N4BP2: variants seen among roughly 807,000 people sequenced by gnomAD.
N4BP2 encodes the protein NEDD4 binding protein 2, also known as NEDD4-binding protein 2.
In N4BP2, 91 loss-of-function variants were observed where a neutral mutation model predicts 152.8. The ratio of observed to expected loss-of-function variants is 0.60; its 90% confidence interval spans 0.50 to 0.71. The LOEUF (loss-of-function observed/expected upper bound fraction) is 0.71. Among genes scored for constraint, N4BP2 ranks in the 30% least tolerant of loss-of-function variants. N4BP2 has a pLI of 0.00. For missense variants in N4BP2, 1,923 were observed against 2,059.1 expected (o/e 0.93, Z 1.28); for synonymous variants, 646 against 705.3 (o/e 0.92, Z 1.33).
chr4:40,163,253 A>G, the N4BP2 span, among the ~76,000 whole-genome samples: 19 of 152,240 alleles, frequency 1.2e-4, no homozygotes, highest in Admixed American at 6.5e-4. Flanking sequence ...AAATGTACCT[A>G]GTATAATCAT....
At chr4:40,079,962 A>T (rs1578971838) in intron 2 of N4BP2, among the ~76,000 whole-genome samples, 1 of 152,220 alleles carries the variant, frequency 6.6e-6, no homozygotes, top group Middle Eastern at 3.4e-3. Flanking sequence ...TGGTATTGTT[A>T]ATAATTATTT....
At chr4:40,178,746 G>A in the N4BP2 span, among the ~76,000 whole-genome samples, 2 of 152,200 alleles carry the variant, frequency 1.3e-5, no homozygotes, top group Admixed American at 1.3e-4. Context: ...AAATGTGTAG[G>A]GAACGAACTT....
At chr4:40,118,868 A>T (rs1717596486) in intron 8 of N4BP2, among the ~76,000 whole-genome samples, 1 of 152,244 alleles carries the variant, frequency 6.6e-6, no homozygotes, top group Admixed American at 6.5e-5. Flanking sequence ...GAATAAATAA[A>T]AACAGCATTA....
chr4:40,115,369 C>T (rs559986224), intron 7 of N4BP2, among the ~76,000 whole-genome samples: 5 of 152,064 alleles, frequency 3.3e-5, no homozygotes, highest in Admixed American at 2.6e-4. Flanking sequence ...TGGTGGCGTT[C>T]GCCTGTGGTC....
intron 13 of N4BP2, among the ~76,000 whole-genome samples, chr4:40,136,223 G>A (rs1276023975): frequency 2.0e-5 from 3 of 152,162 alleles, no homozygotes; most frequent in African/African-American, 7.2e-5. Context: ...TCTATTGTCT[G>A]TGTTTGATGT....
intron 17 of N4BP2, among the ~76,000 whole-genome samples, chr4:40,153,160 A>G (rs1721291486): frequency 6.6e-6 from 1 of 152,256 alleles, no homozygotes; most frequent in Admixed American, 6.5e-5. Context: ...TAAACCAGAA[A>G]TAAGGAAAAA....
intron 14 of N4BP2, among the ~76,000 whole-genome samples, chr4:40,141,248 G>C (rs1403254864): frequency 6.6e-6 from 1 of 151,500 alleles, no homozygotes; most frequent in South Asian, 2.1e-4. Context: ...CCTGGACGGG[G>C]CGGCTGGCCT....
At chr4:40,159,509 T>A (rs1408069099), downstream of N4BP2, among the ~76,000 whole-genome samples, 6 of 152,142 alleles carry the variant, frequency 3.9e-5, no homozygotes, top group Non-Finnish European at 8.8e-5. Flanking sequence ...TGGCTACATC[T>A]CTAACTGTCA....
At chr4:40,187,227 T>A in the N4BP2 span, among the ~76,000 whole-genome samples, 1 of 152,150 alleles carries the variant, frequency 6.6e-6, no homozygotes, top group Non-Finnish European at 1.5e-5. Context: ...TTAAGGAGTG[T>A]GCTGTGTTCT....
intron 1 of N4BP2, among the ~76,000 whole-genome samples, chr4:40,064,606 A>G (rs555661010): frequency 7.9e-5 from 12 of 152,244 alleles, no homozygotes; most frequent in Admixed American, 2.6e-4. Context: ...TGTTTGCTAA[A>G]TAAAACACTT....
intron 2 of N4BP2, among the ~76,000 whole-genome samples, chr4:40,093,468 T>A (rs1251213091): frequency 6.6e-6 from 1 of 150,962 alleles, no homozygotes; most frequent in African/African-American, 2.4e-5. Flanking sequence ...GTGCAGTGGC[T>A]CGATCTTAGC....
intron 2 of N4BP2, among the ~76,000 whole-genome samples, chr4:40,077,333 A>C (rs1293270061): frequency 6.6e-6 from 1 of 151,524 alleles, no homozygotes; most frequent in African/African-American, 2.4e-5. Context: ...TTTTTAGTGG[A>C]GACAGGGTTT....
At chr4:40,130,612 C>G (rs1269204102) in intron 12 of N4BP2, among the ~76,000 whole-genome samples, 1 of 152,112 alleles carries the variant, frequency 6.6e-6, no homozygotes, top group Non-Finnish European at 1.5e-5. Context: ...ACCTCCTGGG[C>G]TCAAGCCATC....
the N4BP2 span, among the ~76,000 whole-genome samples, chr4:40,173,236 G>A: frequency 5.9e-5 from 9 of 152,112 alleles, no homozygotes; most frequent in Non-Finnish European, 1.3e-4. Context: ...CAGATCCTGG[G>A]TATGGACAAA....
chr4:40,148,933 A>G (rs1037256170), intron 16 of N4BP2, among the ~76,000 whole-genome samples: 6 of 152,224 alleles, frequency 3.9e-5, no homozygotes, highest in African/African-American at 1.2e-4. Context: ...TCTAAGAAAA[A>G]AAAAATTGAA....
chr4:40,155,990 A>G lies in N4BP2; in HGVS notation c.*1753A>G, dbSNP rs181344009. The G allele has an allele frequency of 1.4e-3, 215 of 152,334 alleles. 3 individuals are homozygous for G. Among genetic ancestry groups the G allele is most frequent in the Admixed American group, 0.011 (165 of 15,304 alleles). The allele number at this position is 152,334 out of a possible 1,614,324, so 9.4% of individuals were successfully genotyped here. On this transcript the variant is annotated 3_prime_UTR_variant, in exon 18 of 18. Coordinates refer to ENST00000261435, the MANE Select transcript of N4BP2 (RefSeq NM_018177.6). ...GTAATAATTTATTTAAAGAATGCCAACAGTTTAGCACACTTTTGTAATCTC... is the reference window on the plus strand; with the variant it reads ...GTAATAATTTATTTAAAGAATGCCAGCAGTTTAGCACACTTTTGTAATCTC...
intron 2 of N4BP2, among the ~76,000 whole-genome samples, chr4:40,093,608 ATTAT>A (rs899462401): frequency 4.7e-5 from 7 of 149,412 alleles, no homozygotes; most frequent in East Asian, 2.0e-4. Flanking sequence ...ATTTATTATT[ATTAT>A]TTATTTATTT....
chr4:40,131,496 G>A (rs904779936), intron 12 of N4BP2, among the ~76,000 whole-genome samples: 5 of 151,780 alleles, frequency 3.3e-5, no homozygotes, highest in African/African-American at 1.2e-4. Flanking sequence ...TCAATGTGTT[G>A]GATATGCATG....
Position 40,152,820 on chromosome 4 carries a change from T to G in N4BP2, c.5184T>G (p.Ile1728Met). ...GTGGGAAGCCCTATTTGTCTGTGAT[T>G]ACGGGGAGAGGAAACCACAGCCAGG... ...QNGGKPYLSVITGRGNHSQGG... is the reference protein window; with the variant it reads ...QNGGKPYLSVMTGRGNHSQGG... Residue 1728 changes from isoleucine to methionine, a missense_variant, in exon 17 of 18, where the codon ATT becomes ATG. Ile to Met is a conservative substitution (Grantham distance 10). Coordinates refer to ENST00000261435, the MANE Select transcript of N4BP2 (RefSeq NM_018177.6). The G allele has an allele frequency of 6.2e-7, 1 of 1,614,102 alleles. No individual in the cohort carries two copies. The highest frequency in any genetic ancestry group is 8.5e-7 in the Non-Finnish European group (1 of 1,179,986).
Sources: allele counts gnomAD v4.1 joint callset (sites outside exome capture counted in the v4.1 genomes callset), GRCh38; gene constraint gnomAD v4.1.1; transcripts MANE v1.5; gene names NCBI Gene and HGNC (gene_info 2026-07-23, HGNC 2026-07-21).